RSRC1: variants seen among roughly 807,000 people sequenced by gnomAD.
The protein encoded by RSRC1 is serine/Arginine-related protein 53.
RSRC1 carries 39 observed loss-of-function variants against 49.1 expected under a neutral mutation model. That is an observed-to-expected ratio of 0.79 (90% CI 0.61 to 1.04). The LOEUF (loss-of-function observed/expected upper bound fraction) is 1.04. Among genes scored for constraint, RSRC1 ranks in the 50% least tolerant of loss-of-function variants. The pLI is 0.00. For missense variants in RSRC1, 388 were observed against 402.4 expected (o/e 0.96, Z 0.31); for synonymous variants, 143 against 130.8 (o/e 1.09, Z -0.63).
chr3:158,517,514 G>T (rs909837260), intron 7 of RSRC1, among the ~76,000 whole-genome samples: 6 of 151,510 alleles, frequency 4.0e-5, no homozygotes, highest in Non-Finnish European at 5.9e-5. Context: ...TGTTTTGGTG[G>T]ATTCCCTTTG....
intron 6 of RSRC1, among the ~76,000 whole-genome samples, chr3:158,414,901 G>A (rs1418847042): frequency 6.6e-6 from 1 of 152,066 alleles, no homozygotes; most frequent in African/African-American, 2.4e-5. Flanking sequence ...TAGATTTGAA[G>A]TGTTCGTCAT....
intron 5 of RSRC1, among the ~76,000 whole-genome samples, chr3:158,309,656 TCTTC>T (rs1728024616): frequency 6.6e-6 from 1 of 151,824 alleles, no homozygotes; most frequent in Non-Finnish European, 1.5e-5. Flanking sequence ...TGATTTAACT[TCTTC>T]CTAGTAAAAT....
chr3:158,117,913 T>G (rs866186950), intron 1 of RSRC1, among the ~76,000 whole-genome samples: 5 of 141,554 alleles, frequency 3.5e-5, no homozygotes, highest in Non-Finnish European at 5.9e-5. Flanking sequence ...TTCTTTCTTT[T>G]TTTGAGTCCT....
At chr3:158,408,833 A>G (rs933697570) in intron 6 of RSRC1, among the ~76,000 whole-genome samples, 1 of 151,970 alleles carries the variant, frequency 6.6e-6, no homozygotes, top group African/African-American at 2.4e-5. Context: ...GGAGTTTGAG[A>G]CCAGCCTGGC....
chr3:158,376,137 ATCCCTCCCTCCC>A lies in RSRC1; in HGVS notation c.583+21251_583+21262del, dbSNP rs58871024. 4.1e-3 allele frequency among the ~76,000 whole-genome samples: 360 copies of A among 88,622 alleles called. 5 individuals are homozygous for A. The highest frequency in any genetic ancestry group is 0.021 in the African/African-American group (317 of 15,210). 58.1% of individuals were successfully genotyped at this position (88,622 alleles called of 152,430 possible). A position where few individuals can be genotyped will look rare whatever the true frequency, so the allele number is the denominator to read the frequency against. ...ATGGTCTACCTCCTGGAAAGAATAT[ATCCCTCCCTCCC>A]TCCCTCCCTCCCTCCCTCCCTTCCT... On this transcript the variant is annotated intron_variant, in intron 6 of 9. Coordinates refer to ENST00000611884, the MANE Select transcript of RSRC1 (RefSeq NM_001271838.2).
At chr3:158,116,093 T>G (rs1714797721) in intron 1 of RSRC1, among the ~76,000 whole-genome samples, 1 of 152,220 alleles carries the variant, frequency 6.6e-6, no homozygotes. Context: ...AAAATTCATG[T>G]TTGTTAATGT....
intron 4 of RSRC1, among the ~76,000 whole-genome samples, chr3:158,274,287 T>C (rs1520662): frequency 0.95 from 143,953 of 152,084 alleles, 68,230 homozygotes; most frequent in East Asian, 1. Flanking sequence ...CAACATTATG[T>C]TAAATTATCT....
chr3:158,426,815 G>T (rs1253630117), intron 6 of RSRC1, among the ~76,000 whole-genome samples: 1 of 151,724 alleles, frequency 6.6e-6, no homozygotes, highest in Non-Finnish European at 1.5e-5. Flanking sequence ...AAAAAATTGT[G>T]TTTAAAGAAG....
At chr3:158,315,848 G>A (rs1160657652) in intron 5 of RSRC1, among the ~76,000 whole-genome samples, 1 of 152,058 alleles carries the variant, frequency 6.6e-6, no homozygotes, top group Non-Finnish European at 1.5e-5. Context: ...TTATTTTGAT[G>A]ATTTAGTTAC....
intron 3 of RSRC1, among the ~76,000 whole-genome samples, chr3:158,157,982 A>C (rs927212072): frequency 6.6e-6 from 1 of 152,106 alleles, no homozygotes; most frequent in Admixed American, 6.6e-5. Context: ...ATTTTTTTTA[A>C]CTGTTACTAT....
At chr3:158,515,472 T>C (rs968744163) in intron 7 of RSRC1, among the ~76,000 whole-genome samples, 1 of 137,594 alleles carries the variant, frequency 7.3e-6, no homozygotes, top group Non-Finnish European at 1.6e-5. Context: ...AGATCCGCTG[T>C]TAGTCTGATG....
At chr3:158,451,909 A>G (rs1737064000) in intron 6 of RSRC1, among the ~76,000 whole-genome samples, 1 of 152,070 alleles carries the variant, frequency 6.6e-6, no homozygotes, top group Admixed American at 6.6e-5. Context: ...GGCTCATGGG[A>G]TTTAATAGTG....
chr3:158,413,581 A>G (rs1375282978), intron 6 of RSRC1, among the ~76,000 whole-genome samples: 1 of 152,136 alleles, frequency 6.6e-6, no homozygotes, highest in Non-Finnish European at 1.5e-5. Context: ...AATTTTTGCA[A>G]TCTATCCATC....
intron 3 of RSRC1, among the ~76,000 whole-genome samples, chr3:158,183,566 A>T (rs1719754655): frequency 6.6e-6 from 1 of 152,182 alleles, no homozygotes; most frequent in African/African-American, 2.4e-5. Flanking sequence ...CACTAAAAAA[A>T]GGAGTTATAA....
rs1553814781 is a variant in RSRC1 at position 158,487,949 on chromosome 3, G to GGAAAAAAAAAAAAAAAAAAA, written c.652+26946_652+26947insGAAAAAAAAAAAAAAAAAAA. Among the ~76,000 whole-genome samples the GGAAAAAAAAAAAAAAAAAAA allele has an allele frequency of 5.9e-4, 17 of 28,920 alleles. 4 individuals carry two copies. The highest frequency in any genetic ancestry group is 6.1e-4 in the Non-Finnish European group (10 of 16,528). The allele number at this position is 28,920 out of a possible 152,430, so 19.0% of individuals were successfully genotyped here. On this transcript the variant is annotated intron_variant, in intron 7 of 9. Transcript: ENST00000611884. ...TAGGAGACAAGAGACTCCATCTCAA[G>GGAAAAAAAAAAAAAAAAAAA]AAAAAAAAAAAAAAAAAAAAAAAAA...
chr3:158,394,621 C>A (rs541626162), intron 6 of RSRC1, among the ~76,000 whole-genome samples: 16 of 152,118 alleles, frequency 1.1e-4, no homozygotes, highest in African/African-American at 2.4e-4. Context: ...CCTATGAATG[C>A]AGCTAACCAG....
At position 158,477,798 on chromosome 3, in the gene RSRC1, T is replaced by TTATATATATATATA. The variant is rs67839411; in HGVS notation, c.652+16811_652+16824dup. On this transcript the variant is annotated intron_variant, in intron 7 of 9. Coordinates refer to ENST00000611884, the MANE Select transcript of RSRC1 (RefSeq NM_001271838.2). Reference sequence around the variant, plus strand: ...TGATGGGATAGGTTGCGGGAGGGATTTATATATATATATATATATATATAT... The same window carrying TTATATATATATATA: ...TGATGGGATAGGTTGCGGGAGGGATTTATATATATATATATATATATATATATATATATATATAT... Among the ~76,000 whole-genome samples, 28 of 89,760 alleles carry TTATATATATATATA rather than the reference T, an allele frequency of 3.1e-4. 1 individual carries two copies. Among genetic ancestry groups the TTATATATATATATA allele is most frequent in the African/African-American group, 1.2e-3 (25 of 21,638 alleles). The allele number at this position is 89,760 out of a possible 152,430, so 58.9% of individuals were successfully genotyped here. A position where few individuals can be genotyped will look rare whatever the true frequency, so the allele number is the denominator to read the frequency against.
At chr3:158,491,517 G>A (rs1214974089) in intron 7 of RSRC1, among the ~76,000 whole-genome samples, 6 of 152,128 alleles carry the variant, frequency 3.9e-5, no homozygotes, top group Non-Finnish European at 7.4e-5. Context: ...GATCCCAAAC[G>A]AAGAATGTTA....
At chr3:158,431,260 A>G (rs905122965) in intron 6 of RSRC1, among the ~76,000 whole-genome samples, 3 of 95,050 alleles carry the variant, frequency 3.2e-5, no homozygotes, top group Non-Finnish European at 4.3e-5. Context: ...TAACTTAAAG[A>G]TAAATCTCCA....
Sources: allele counts gnomAD v4.1 joint callset (sites outside exome capture counted in the v4.1 genomes callset), GRCh38; gene constraint gnomAD v4.1.1; transcripts MANE v1.5; gene names NCBI Gene and HGNC (gene_info 2026-07-23, HGNC 2026-07-21).